Variants in RIMS2 observed in about 807,000 individuals in gnomAD.
RIMS2 encodes the protein regulating synaptic membrane exocytosis 2, also known as regulating synaptic membrane exocytosis protein 2.
RIMS2 carries 59 observed loss-of-function variants against 174.4 expected under a neutral mutation model. That is an observed-to-expected ratio of 0.34 (90% confidence interval 0.27 to 0.42). The LOEUF is 0.42. Among genes scored for constraint, RIMS2 ranks in the 10% least tolerant of loss-of-function variants. RIMS2 has a pLI of 1.00. For missense variants in RIMS2, 1,620 were observed against 1,666.3 expected (o/e 0.97, Z 0.48); for synonymous variants, 606 against 572.5 (o/e 1.06, Z -0.84).
chr8:104,228,037 T>A (rs963248611), intron 19 of RIMS2, among the ~76,000 whole-genome samples: 1 of 150,308 alleles, frequency 6.7e-6, no homozygotes, highest in Non-Finnish European at 1.5e-5. Context: ...TTTTTTTTTT[T>A]TTTTTCTTTG....
At chr8:103,847,680 A>G (rs1472142754) in intron 3 of RIMS2, among the ~76,000 whole-genome samples, 1 of 152,066 alleles carries the variant, frequency 6.6e-6, no homozygotes, top group African/African-American at 2.4e-5. Flanking sequence ...GGTGGAAGGT[A>G]TCTAGTGCAG....
At chr8:103,912,366 G>A (rs1326379846) in intron 6 of RIMS2, among the ~76,000 whole-genome samples, 194 bp downstream of exon 9, 1 of 152,018 alleles carries the variant, frequency 6.6e-6, no homozygotes, top group African/African-American at 2.4e-5. Context: ...TAATTCCACA[G>A]TAATACTTGT....
intron 17 of RIMS2, among the ~76,000 whole-genome samples, chr8:103,998,762 G>T (rs1246473396): frequency 6.6e-6 from 1 of 151,742 alleles, no homozygotes; most frequent in Non-Finnish European, 1.5e-5. Context: ...ATCCTTATCT[G>T]CAGAGAATAC....
intron 3 of RIMS2, among the ~76,000 whole-genome samples, chr8:103,809,490 C>T (rs1314942584): frequency 6.6e-6 from 1 of 151,908 alleles, no homozygotes; most frequent in Non-Finnish European, 1.5e-5. Context: ...TTCTTCCCTC[C>T]TCCCTCCACT....
At chr8:103,558,199 A>G (rs2090871797) in intron 1 of RIMS2, among the ~76,000 whole-genome samples, 2 of 152,158 alleles carry the variant, frequency 1.3e-5, no homozygotes, top group Non-Finnish European at 2.9e-5. Flanking sequence ...AAGAGGAAAA[A>G]AAAGAAACCT....
chr8:103,891,208 A>ATTAC (rs1235135331), intron 4 of RIMS2, among the ~76,000 whole-genome samples: 3 of 152,226 alleles, frequency 2.0e-5, no homozygotes, highest in African/African-American at 7.2e-5. Context: ...ATCAAAGTCA[A>ATTAC]GTTCACAGAG....
intron 1 of RIMS2, among the ~76,000 whole-genome samples, chr8:103,660,358 C>G (rs1189386783): frequency 1.3e-5 from 2 of 152,218 alleles, no homozygotes; most frequent in African/African-American, 4.8e-5. Context: ...TCCTGCTATT[C>G]CTGCCTCTGT....
At chr8:104,169,340 A>ATATAT (rs1491155725) in intron 19 of RIMS2, among the ~76,000 whole-genome samples, 16 of 33,160 alleles carry the variant, frequency 4.8e-4, no homozygotes, top group East Asian at 1.4e-3. Context: ...ATATATATAT[A>ATATAT]AAACAGATTC....
chr8:103,958,729 C>T (rs2088594330), intron 14 of RIMS2, among the ~76,000 whole-genome samples: 1 of 152,112 alleles, frequency 6.6e-6, no homozygotes, highest in Non-Finnish European at 1.5e-5. Flanking sequence ...TGCTGAAGTA[C>T]TACCAAATAA....
At chr8:103,941,919 G>C (rs2082629889) in intron 13 of RIMS2, among the ~76,000 whole-genome samples, 1 of 152,128 alleles carries the variant, frequency 6.6e-6, no homozygotes, top group Non-Finnish European at 1.5e-5. Flanking sequence ...GACGAAGCTA[G>C]TAATTTTTTA....
chr8:104,087,237 A>G (rs973502828), intron 19 of RIMS2, among the ~76,000 whole-genome samples: 2 of 152,102 alleles, frequency 1.3e-5, no homozygotes, highest in Non-Finnish European at 2.9e-5. Context: ...ACATTCATTG[A>G]GTTGCTTCTA....
At chr8:104,204,331 G>A (rs1333913853) in intron 19 of RIMS2, among the ~76,000 whole-genome samples, 4 of 152,180 alleles carry the variant, frequency 2.6e-5, no homozygotes, top group Non-Finnish European at 5.9e-5. Context: ...ATGCAAACTA[G>A]GTAATAAACC....
chr8:103,722,343 T>G (rs1172255302), intron 2 of RIMS2, among the ~76,000 whole-genome samples: 3 of 152,172 alleles, frequency 2.0e-5, no homozygotes, highest in Non-Finnish European at 4.4e-5. Flanking sequence ...ATTATTACAT[T>G]GTAATATATA....
intron 3 of RIMS2, among the ~76,000 whole-genome samples, chr8:103,834,685 T>TTTCCTTCC (rs931226502): frequency 7.9e-5 from 4 of 50,800 alleles, no homozygotes; most frequent in African/African-American, 3.7e-4. Flanking sequence ...TTTTTCTTTC[T>TTTCCTTCC]TTCTTTCTTT....
At chr8:103,606,456 G>T (rs889638430) in intron 1 of RIMS2, among the ~76,000 whole-genome samples, 2 of 152,050 alleles carry the variant, frequency 1.3e-5, no homozygotes, top group Non-Finnish European at 1.5e-5. Context: ...GTGGTGTGGT[G>T]CTGAAAAAAA....
At chr8:103,820,282 A>G (rs1316356166) in intron 3 of RIMS2, among the ~76,000 whole-genome samples, 1 of 151,998 alleles carries the variant, frequency 6.6e-6, no homozygotes, top group Non-Finnish European at 1.5e-5. Flanking sequence ...TCTATTAAAG[A>G]ATGTTTTTGG....
At chr8:103,812,405 A>T (rs1389923154) in intron 3 of RIMS2, among the ~76,000 whole-genome samples, 2 of 141,564 alleles carry the variant, frequency 1.4e-5, no homozygotes, top group Non-Finnish European at 3.0e-5. Context: ...GCTTGAGTGC[A>T]ATGGCACGAT....
chr8:104,035,986 C>A (rs1167641360), intron 19 of RIMS2, among the ~76,000 whole-genome samples: 1 of 152,022 alleles, frequency 6.6e-6, no homozygotes, highest in Non-Finnish European at 1.5e-5. Context: ...AGTGAAATTT[C>A]ATGATTTATG....
chr8:103,785,688 A>C (rs976040336), intron 3 of RIMS2, among the ~76,000 whole-genome samples: 1 of 152,068 alleles, frequency 6.6e-6, no homozygotes, highest in African/African-American at 2.4e-5. Flanking sequence ...TTTATTGAGG[A>C]TTTTTGCATC....
Sources: gnomAD v4.1 joint callset for allele counts (sites outside exome capture counted in the v4.1 genomes callset) on GRCh38, gnomAD v4.1.1 for gene constraint, MANE v1.5 for transcripts, NCBI Gene and HGNC (gene_info 2026-07-23, HGNC 2026-07-21) for gene names.